The following OXR1 variants were observed in gnomAD, a reference collection of about 807,000 sequenced individuals.
OXR1 encodes the protein oxidation resistance protein 1.
A neutral mutation model predicts 104.6 loss-of-function variants in OXR1; 41 were observed. That is an observed-to-expected ratio of 0.39 (90% CI 0.31 to 0.51). OXR1 has a LOEUF of 0.51. Ranked by LOEUF, OXR1 falls within the 20% of genes least tolerant of loss-of-function variation. The probability of loss-of-function intolerance (pLI) is 0.77; values close to 1 mark genes in which losing one functional copy is unlikely to be tolerated. For synonymous variants in OXR1, 348 were observed against 348.4 expected (o/e 1.00, Z 0.01); for missense variants, 955 against 1,031.9 (o/e 0.93, Z 1.02).
chr8:106,283,208 C>T (rs991142679), intron 1 of OXR1, among the ~76,000 whole-genome samples: 4 of 152,202 alleles, frequency 2.6e-5, no homozygotes, highest in African/African-American at 4.8e-5. Flanking sequence ...TCTGTAGATT[C>T]TCTGTGGGCT....
chr8:106,718,267 A>T (rs956413094), intron 11 of OXR1, among the ~76,000 whole-genome samples: 1 of 152,220 alleles, frequency 6.6e-6, no homozygotes, highest in African/African-American at 2.4e-5. Flanking sequence ...TACACTTGGG[A>T]TAGCAGGAAA....
intron 2 of OXR1, among the ~76,000 whole-genome samples, chr8:106,492,104 C>T (rs1811127157): frequency 6.6e-6 from 1 of 152,122 alleles, no homozygotes; most frequent in Admixed American, 6.6e-5. Context: ...TAACTTTTGC[C>T]TGATGTCCAT....
intron 11 of OXR1, among the ~76,000 whole-genome samples, chr8:106,717,484 CTTAAAAAAG>C (rs1437094235): frequency 6.6e-6 from 1 of 152,046 alleles, no homozygotes; most frequent in Non-Finnish European, 1.5e-5. Context: ...TTTAGTGATA[CTTAAAAAAG>C]ATCTTTATTA....
chr8:106,330,515 A>C (rs1279874764), intron 1 of OXR1, among the ~76,000 whole-genome samples: 2 of 152,248 alleles, frequency 1.3e-5, no homozygotes, highest in Admixed American at 6.5e-5. Context: ...TCATTTAAAA[A>C]AGAAATCATG....
chr8:106,528,634 A>T (rs1005966486), intron 3 of OXR1, among the ~76,000 whole-genome samples: 1 of 152,204 alleles, frequency 6.6e-6, no homozygotes, highest in Non-Finnish European at 1.5e-5. Context: ...ACTTTAAAAT[A>T]TCATCACATA....
chr8:106,337,950 C>T (rs556699071), intron 1 of OXR1, among the ~76,000 whole-genome samples: 1 of 152,230 alleles, frequency 6.6e-6, no homozygotes, highest in South Asian at 2.1e-4. Context: ...TTTAGGAGAA[C>T]AAATACTGAA....
At chr8:106,583,148 C>A (rs768228815) in intron 3 of OXR1, among the ~76,000 whole-genome samples, 1 of 152,024 alleles carries the variant, frequency 6.6e-6, no homozygotes, top group Non-Finnish European at 1.5e-5. Flanking sequence ...TTTCCTTAAG[C>A]TTTAAGGGCA....
intron 3 of OXR1, among the ~76,000 whole-genome samples, chr8:106,653,618 C>CA (rs1469082252): frequency 1.3e-5 from 2 of 151,606 alleles, no homozygotes; most frequent in African/African-American, 2.4e-5. Flanking sequence ...AGGGCATCTA[C>CA]AAAAAAACGA....
chr8:106,357,117 C>T (rs982538269), intron 1 of OXR1, among the ~76,000 whole-genome samples: 4 of 151,736 alleles, frequency 2.6e-5, no homozygotes, highest in African/African-American at 9.7e-5. Flanking sequence ...TAACAACATC[C>T]AGATACACAG....
chr8:106,569,208 C>T (rs533030445), intron 3 of OXR1, among the ~76,000 whole-genome samples: 15 of 152,068 alleles, frequency 9.9e-5, no homozygotes, highest in Non-Finnish European at 2.1e-4. Context: ...TCCCCCATAA[C>T]AGTGTTTTAA....
intron 1 of OXR1, among the ~76,000 whole-genome samples, chr8:106,285,188 A>G (rs1812447216): frequency 6.6e-6 from 1 of 152,174 alleles, no homozygotes; most frequent in Non-Finnish European, 1.5e-5. Context: ...TGATTAGCAA[A>G]CATGAGCCAA....
chr8:106,534,522 A>G (rs937822218), intron 3 of OXR1, among the ~76,000 whole-genome samples: 4 of 152,256 alleles, frequency 2.6e-5, no homozygotes, highest in African/African-American at 9.6e-5. Context: ...AGAGCATTTG[A>G]GACACATTAG....
At chr8:106,737,023 C>G (rs1418664658) in intron 11 of OXR1, among the ~76,000 whole-genome samples, 1 of 152,066 alleles carries the variant, frequency 6.6e-6, no homozygotes. Flanking sequence ...TTGCTCTTCT[C>G]TCCTCTGTTG....
At chr8:106,512,280 G>C (rs926574754) in intron 2 of OXR1, among the ~76,000 whole-genome samples, 18 of 152,090 alleles carry the variant, frequency 1.2e-4, no homozygotes, top group Non-Finnish European at 2.5e-4. Flanking sequence ...ATGCTATTCT[G>C]TTATTCTCAA....
At chr8:106,334,716 C>A (rs1399288737) in intron 1 of OXR1, among the ~76,000 whole-genome samples, 1 of 152,174 alleles carries the variant, frequency 6.6e-6, no homozygotes, top group Non-Finnish European at 1.5e-5. Context: ...GCTTCCCCTT[C>A]TCCTGCCATT....
chr8:106,656,652 C>T (rs1196075627), intron 3 of OXR1, among the ~76,000 whole-genome samples: 2 of 152,166 alleles, frequency 1.3e-5, no homozygotes, highest in South Asian at 4.1e-4. Flanking sequence ...TCTCCTGGGT[C>T]CCTTTCCCAT....
intron 12 of OXR1, among the ~76,000 whole-genome samples, chr8:106,738,490 G>C (rs12550342): frequency 4.6e-5 from 7 of 152,018 alleles, no homozygotes; most frequent in Non-Finnish European, 1.0e-4. Context: ...AATTTAGCAA[G>C]AATTTCATTC....
At chr8:106,349,123 C>T (rs1815617396) in intron 1 of OXR1, among the ~76,000 whole-genome samples, 2 of 151,888 alleles carry the variant, frequency 1.3e-5, no homozygotes, top group Non-Finnish European at 2.9e-5. Context: ...GATATGTTCC[C>T]CATCAAACAC....
chr8:106,708,711 G>T (rs1260935434), intron 9 of OXR1, among the ~76,000 whole-genome samples: 1 of 152,090 alleles, frequency 6.6e-6, no homozygotes, highest in East Asian at 1.9e-4. Context: ...TTTGGCTATT[G>T]TGAATAATGC....
Sources: gnomAD v4.1 joint callset for allele counts (sites outside exome capture counted in the v4.1 genomes callset) on GRCh38, gnomAD v4.1.1 for gene constraint, MANE v1.5 for transcripts, NCBI Gene and HGNC (gene_info 2026-07-23, HGNC 2026-07-21) for gene names.